The following TMEM132B variants were observed in gnomAD, a reference collection of about 807,000 sequenced individuals.
TMEM132B encodes the protein transmembrane protein 132B.
TMEM132B carries 18 observed loss-of-function variants against 90.8 expected under a neutral mutation model. The ratio of observed to expected loss-of-function variants is 0.20; its 90% confidence interval spans 0.14 to 0.29. The LOEUF (loss-of-function observed/expected upper bound fraction) is 0.29. Ranked by LOEUF, TMEM132B falls within the 10% of genes least tolerant of loss-of-function variation. The probability of loss-of-function intolerance (pLI) is 1.00; values close to 1 mark genes in which losing one functional copy is unlikely to be tolerated. For missense variants in TMEM132B, 1,096 were observed against 1,326.8 expected (o/e 0.83, Z 2.70); for synonymous variants, 504 against 523.3 (o/e 0.96, Z 0.50).
At chr12:125,260,892 G>A (rs1419826309) in intron 1 of TMEM132B, among the ~76,000 whole-genome samples, 1 of 151,024 alleles carries the variant, frequency 6.6e-6, no homozygotes, top group Non-Finnish European at 1.5e-5. Context: ...CTGCAGCCTG[G>A]GCGTCAGAGC....
intron 5 of TMEM132B, among the ~76,000 whole-genome samples, chr12:125,596,604 T>C (rs1475022801): frequency 6.6e-6 from 1 of 152,186 alleles, no homozygotes; most frequent in African/African-American, 2.4e-5. Context: ...CCTGTGTTTG[T>C]TACCACTTCT....
chr12:125,344,185 A>G (rs940736222), intron 1 of TMEM132B, among the ~76,000 whole-genome samples: 3 of 152,216 alleles, frequency 2.0e-5, no homozygotes, highest in African/African-American at 7.2e-5. Context: ...GCTTTGAGGG[A>G]ATATAGCAGG....
intron 1 of TMEM132B, among the ~76,000 whole-genome samples, chr12:125,202,733 G>A (rs891074128): frequency 1.3e-5 from 2 of 152,230 alleles, no homozygotes; most frequent in African/African-American, 4.8e-5. Context: ...TGAACACCAT[G>A]AGGCCAGATC....
chr12:125,569,322 C>T (rs138243628), intron 4 of TMEM132B, among the ~76,000 whole-genome samples: 81 of 152,250 alleles, frequency 5.3e-4, no homozygotes, highest in Middle Eastern at 3.4e-3. Context: ...AAGATTATTG[C>T]TGGCCCAGGG....
intron 3 of TMEM132B, among the ~76,000 whole-genome samples, chr12:125,517,326 G>GGTTTTTTTTTTTTTTTTTTT: frequency 1.1e-5 from 1 of 88,032 alleles, no homozygotes; most frequent in Non-Finnish European, 2.4e-5. Context: ...ATGCCCTGCT[G>GGTTTTTTTTTTTTTTTTTTT]ATTTTTTTTT....
intron 2 of TMEM132B, among the ~76,000 whole-genome samples, chr12:125,357,176 T>G (rs1247353355): frequency 6.6e-6 from 1 of 152,244 alleles, no homozygotes; most frequent in African/African-American, 2.4e-5. Flanking sequence ...ATTGTATGAA[T>G]TCATGATATA....
intron 1 of TMEM132B, among the ~76,000 whole-genome samples, chr12:125,332,292 T>A (rs1422955764): frequency 6.6e-6 from 1 of 152,220 alleles, no homozygotes; most frequent in African/African-American, 2.4e-5. Flanking sequence ...TATTATTATT[T>A]TATGTATTGG....
chr12:125,295,515 T>TGAGAGAGA lies in TMEM132B; in HGVS notation c.68-53916_68-53909dup, dbSNP rs1555237218. Among the ~76,000 whole-genome samples, 1,075 of 142,386 alleles carry TGAGAGAGA rather than the reference T, an allele frequency of 7.5e-3. 9 individuals are homozygous for TGAGAGAGA. Among genetic ancestry groups the TGAGAGAGA allele is most frequent in the South Asian group, 0.023 (99 of 4,310 alleles). 93.4% of individuals were successfully genotyped at this position (142,386 alleles called of 152,430 possible). On this transcript the variant is annotated intron_variant, in intron 1 of 8. Transcript: ENST00000682704. ...TCCATGAAACCTGTGTGTGTGTGTG[T>TGAGAGAGA]GAGAGAGAGAGAGAGAGAGAGAGAG...
rs73422885 is a variant in TMEM132B at position 125,323,977 on chromosome 12, A to G, written c.68-25475A>G. 8.6e-3 allele frequency among the ~76,000 whole-genome samples: 1,308 copies of G among 152,302 alleles called. 14 individuals carry two copies. Among genetic ancestry groups the G allele is most frequent in the African/African-American group, 0.029 (1,219 of 41,554 alleles). ...GCCAATAAGCCAGAGAGCTCCGACC[A>G]AAAAGTTGGAAACAAACCCCCCAAC... is the stretch of plus-strand genomic sequence containing the variant. On this transcript the variant is annotated intron_variant, in intron 1 of 8. Transcript: ENST00000682704.
intron 1 of TMEM132B, among the ~76,000 whole-genome samples, chr12:125,279,617 G>A (rs1341965202): frequency 6.6e-6 from 1 of 152,200 alleles, no homozygotes; most frequent in African/African-American, 2.4e-5. Flanking sequence ...GAGGAAGAGA[G>A]AATATAAGGA....
At chr12:125,240,241 G>C (rs192992658) in intron 1 of TMEM132B, among the ~76,000 whole-genome samples, 27 of 152,310 alleles carry the variant, frequency 1.8e-4, no homozygotes, top group African/African-American at 5.1e-4. Context: ...TCTGGGCTAT[G>C]GCTGTCACCC....
chr12:125,216,342 C>T (rs951788761), intron 1 of TMEM132B, among the ~76,000 whole-genome samples: 8 of 152,158 alleles, frequency 5.3e-5, no homozygotes, highest in African/African-American at 1.9e-4. Flanking sequence ...AACACCAGTC[C>T]TGTTGGATCA....
chr12:125,454,541 T>C (rs371367622), intron 3 of TMEM132B, among the ~76,000 whole-genome samples: 2 of 152,214 alleles, frequency 1.3e-5, no homozygotes, highest in East Asian at 1.9e-4. Context: ...AAGGTCTTCA[T>C]ATAGGCATTT....
Position 125,490,745 on chromosome 12 carries a change from T to A in TMEM132B, c.1107-28694T>A, listed in dbSNP as rs12317639. Among the ~76,000 whole-genome samples the A allele has an allele frequency of 6.6e-6, 1 of 152,162 alleles. No individual in the cohort carries two copies. The highest frequency in any genetic ancestry group is 6.5e-5 in the Admixed American group (1 of 15,280). The stretch of plus-strand genomic sequence containing the variant: ...CCTCCCAAAGTGCTGGGATTACAGG[T>A]GTGAGCCACCGCGCCCGGCCAATTT... On this transcript the variant is annotated intron_variant, in intron 3 of 8. Coordinates refer to ENST00000682704, the MANE Select transcript of TMEM132B (RefSeq NM_001366854.1). This position sits in a 1 kb window ranked among gnomAD's most constrained non-coding sequence, Gnocchi z 4.2.
At chr12:125,637,215 C>T (rs1019840227) in intron 5 of TMEM132B, among the ~76,000 whole-genome samples, 20 of 152,046 alleles carry the variant, frequency 1.3e-4, no homozygotes, top group South Asian at 1.2e-3. Flanking sequence ...ATTTTGTCTC[C>T]GATTTTTATC....
intron 5 of TMEM132B, among the ~76,000 whole-genome samples, chr12:125,620,900 A>G (rs935268036): frequency 1.3e-5 from 2 of 152,206 alleles, no homozygotes; most frequent in Non-Finnish European, 2.9e-5. Flanking sequence ...AGTCCCTCCA[A>G]TGACATGTGG....
chr12:125,239,260 G>A (rs1469207451), intron 1 of TMEM132B, among the ~76,000 whole-genome samples: 1 of 152,184 alleles, frequency 6.6e-6, no homozygotes, highest in East Asian at 1.9e-4. Flanking sequence ...GTTCTGTGAT[G>A]TTCTGATTTG....
chr12:125,661,770 T>G lies in TMEM132B; in HGVS notation c.*7060T>G, dbSNP rs1232471628. The stretch of plus-strand genomic sequence containing the variant: ...TAAGTCATAAGGAAATGATCAAACC[T>G]AGGGAAAAATAAGTGGCTATAAAAC... On this transcript the variant is annotated 3_prime_UTR_variant, in exon 9 of 9. Coordinates refer to ENST00000682704, the MANE Select transcript of TMEM132B (RefSeq NM_001366854.1). 1.3e-5 allele frequency: 2 copies of G among 152,256 alleles called. No individual in the cohort carries two copies. The highest frequency in any genetic ancestry group is 3.4e-3 in the Middle Eastern group (1 of 294). The allele number at this position is 152,256 out of a possible 1,614,324, so 9.4% of individuals were successfully genotyped here. A position where few individuals can be genotyped will look rare whatever the true frequency, so the allele number is the denominator to read the frequency against.
chr12:125,310,618 T>G (rs552097282), intron 1 of TMEM132B, among the ~76,000 whole-genome samples: 7 of 152,124 alleles, frequency 4.6e-5, no homozygotes, highest in African/African-American at 1.7e-4. Flanking sequence ...CTCGGAAAGC[T>G]CCCAGCCACG....
Sources: gnomAD v4.1 joint callset for allele counts (sites outside exome capture counted in the v4.1 genomes callset) on GRCh38, gnomAD v4.1.1 for gene constraint, Gnocchi (gnomAD v3.1) non-coding constraint, MANE v1.5 for transcripts, NCBI Gene and HGNC (gene_info 2026-07-23, HGNC 2026-07-21) for gene names.